Variants in MRPL45 observed in about 807,000 individuals in gnomAD.
The protein encoded by MRPL45 is mitochondrial ribosomal protein L45, also known as large ribosomal subunit protein mL45.
A neutral mutation model predicts 38.1 loss-of-function variants in MRPL45; 20 were observed. The ratio of observed to expected loss-of-function variants is 0.53; its 90% CI spans 0.37 to 0.76. The LOEUF (loss-of-function observed/expected upper bound fraction) is 0.76, where lower values mean the gene tolerates loss of function less well. Among genes scored for constraint, MRPL45 ranks in the 30% least tolerant of loss-of-function variants. The probability of loss-of-function intolerance (pLI) is 0.00; values close to 1 mark genes in which losing one functional copy is unlikely to be tolerated. For synonymous variants in MRPL45, 105 were observed against 128.8 expected (o/e 0.82, Z 1.25); for missense variants, 337 against 395.6 (o/e 0.85, Z 1.26).
chr17:38,309,062 A>T (rs1400129615), intron 4 of MRPL45, among the ~76,000 whole-genome samples: 2 of 150,362 alleles, frequency 1.3e-5, no homozygotes, highest in Admixed American at 6.6e-5. Flanking sequence ...GCCTGCCACC[A>T]CGCCCAGCTA....
chr17:38,311,695 A>G (rs1177096682), intron 4 of MRPL45, among the ~76,000 whole-genome samples: 1 of 151,572 alleles, frequency 6.6e-6, no homozygotes, highest in Non-Finnish European at 1.5e-5. Context: ...AAAAAAAAAA[A>G]AAAAAAAAAG....
At chr17:38,313,015 C>T (rs1482559510) in intron 4 of MRPL45, among the ~76,000 whole-genome samples, 3 of 125,600 alleles carry the variant, frequency 2.4e-5, no homozygotes, top group East Asian at 4.6e-4. Context: ...GATGGAGTCT[C>T]GCTCTGTTGC....
At chr17:38,306,749 A>C (rs2037059486) in intron 4 of MRPL45, 118 bp downstream of exon 4, 2 of 1,065,414 alleles carry the variant, frequency 1.9e-6, no homozygotes, top group Non-Finnish European at 1.4e-6. Flanking sequence ...CCTTCAGGTA[A>C]GAGATCTAGA....
intron 3 of MRPL45, 137 bp from the exon 4 acceptor site, chr17:38,306,396 G>A (rs1331403546): frequency 1.4e-5 from 13 of 930,612 alleles, no homozygotes; most frequent in Non-Finnish European, 1.7e-5. Context: ...GTGACAGAGC[G>A]AGACTCAAAA....
intron 3 of MRPL45, among the ~76,000 whole-genome samples, chr17:38,301,204 T>C (rs1479246153): frequency 6.6e-6 from 1 of 152,178 alleles, no homozygotes; most frequent in East Asian, 1.9e-4. Context: ...TTGCACATCC[T>C]TTCCTTTGCC....
intron 1 of MRPL45, among the ~76,000 whole-genome samples, chr17:38,298,051 C>T (rs2036954865): frequency 1.3e-5 from 2 of 152,138 alleles, no homozygotes; most frequent in Admixed American, 1.3e-4. Context: ...GAACCGTGAT[C>T]GTGCCATCGC....
chr17:38,298,874 C>T (rs1373821182), intron 2 of MRPL45, among the ~76,000 whole-genome samples: 2 of 152,050 alleles, frequency 1.3e-5, no homozygotes, highest in East Asian at 1.9e-4. Context: ...TGAGAGAAGA[C>T]TTAAATCTTT....
chr17:38,305,046 C>G (rs947025404), intron 3 of MRPL45, among the ~76,000 whole-genome samples: 1 of 151,350 alleles, frequency 6.6e-6, no homozygotes, highest in Non-Finnish European at 1.5e-5. Context: ...GGGGTTTCAC[C>G]ATGTTGGCCA....
At chr17:38,311,826 C>T (rs1366739284) in intron 4 of MRPL45, among the ~76,000 whole-genome samples, 2 of 152,106 alleles carry the variant, frequency 1.3e-5, no homozygotes, top group African/African-American at 2.4e-5. Context: ...TTGGACTTCC[C>T]AGCCTCTAGA....
chr17:38,320,423 G>T (rs984976306), intron 5 of MRPL45, among the ~76,000 whole-genome samples, 195 bp from the exon 6 acceptor site: 3 of 152,124 alleles, frequency 2.0e-5, no homozygotes, highest in Non-Finnish European at 2.9e-5. Flanking sequence ...TGAAGAGAGA[G>T]TTGTCAGGTA....
chr17:38,316,991 T>A (rs2037180200), intron 4 of MRPL45, among the ~76,000 whole-genome samples: 1 of 152,054 alleles, frequency 6.6e-6, no homozygotes, highest in South Asian at 2.1e-4. Flanking sequence ...AGGGACAGGG[T>A]TTCACCATGT....
chr17:38,311,531 C>G (rs1310461774), intron 4 of MRPL45, among the ~76,000 whole-genome samples: 1 of 151,930 alleles, frequency 6.6e-6, no homozygotes, highest in African/African-American at 2.4e-5. Flanking sequence ...ACTAAAAATA[C>G]AAAAATTAGC....
chr17:38,307,967 G>A (rs1232750662), intron 4 of MRPL45, among the ~76,000 whole-genome samples: 3 of 151,892 alleles, frequency 2.0e-5, no homozygotes, highest in Non-Finnish European at 2.9e-5. Flanking sequence ...GGGCAGTGGT[G>A]CAATCACAGC....
intron 4 of MRPL45, among the ~76,000 whole-genome samples, chr17:38,316,621 C>T (rs1276746660): frequency 1.3e-5 from 2 of 150,756 alleles, no homozygotes; most frequent in African/African-American, 4.9e-5. Context: ...CCAGCCTGGC[C>T]AACATGGTGA....
At chr17:38,306,658 T>C (rs774277248) in intron 4 of MRPL45, 27 bp downstream of exon 4, 1 of 1,612,106 alleles carries the variant, frequency 6.2e-7, no homozygotes, top group Non-Finnish European at 8.5e-7. Flanking sequence ...TCTTTACCCA[T>C]TCTGTTCTCA....
At chr17:38,313,167 G>T (rs1387060292) in intron 4 of MRPL45, among the ~76,000 whole-genome samples, 9 of 149,482 alleles carry the variant, frequency 6.0e-5, no homozygotes, top group African/African-American at 2.2e-4. Flanking sequence ...TGTATTTTTA[G>T]TAGAGATGGG....
At chr17:38,313,356 ATATATATATACG>A (rs2037142429) in intron 4 of MRPL45, among the ~76,000 whole-genome samples, 1 of 19,486 alleles carries the variant, frequency 5.1e-5, no homozygotes, top group African/African-American at 2.0e-4. Flanking sequence ...ACGTATATAT[ATATATATATACG>A]TATATATATA....
chr17:38,316,110 T>C (rs2037170629), intron 4 of MRPL45, among the ~76,000 whole-genome samples: 1 of 152,156 alleles, frequency 6.6e-6, no homozygotes, highest in Non-Finnish European at 1.5e-5. Flanking sequence ...TATCCATTTC[T>C]TTCTTCTTTT....
At chr17:38,312,478 TG>T (rs1203657137) in intron 4 of MRPL45, among the ~76,000 whole-genome samples, 37 of 152,170 alleles carry the variant, frequency 2.4e-4, no homozygotes, top group African/African-American at 8.7e-4. Flanking sequence ...CTCCTGTGAT[TG>T]TTGGTGTACA....
Sources: gnomAD v4.1 joint callset for allele counts (sites outside exome capture counted in the v4.1 genomes callset) on GRCh38, gnomAD v4.1.1 for gene constraint, MANE v1.5 for transcripts, NCBI Gene and HGNC (gene_info 2026-07-23, HGNC 2026-07-21) for gene names.